ZMIZ1: variants seen among roughly 807,000 people sequenced by gnomAD.
ZMIZ1 encodes the protein zinc finger MIZ domain-containing protein 1.
ZMIZ1 carries 17 observed loss-of-function variants against 113.9 expected under a neutral mutation model. The observed-to-expected ratio is 0.15, with a 90% CI of 0.10 to 0.22. ZMIZ1 has a LOEUF of 0.22. ZMIZ1 is among the 10% of genes least tolerant of loss of function. The pLI, the probability that ZMIZ1 is intolerant of heterozygous loss-of-function variation, is 1.00. For missense variants in ZMIZ1, 1,059 were observed against 1,477.8 expected (o/e 0.72, Z 4.65); for synonymous variants, 607 against 603.1 (o/e 1.01, Z -0.09).
intron 3 of ZMIZ1, among the ~76,000 whole-genome samples, chr10:79,160,363 G>A (rs1039713805): frequency 3.9e-5 from 6 of 152,246 alleles, no homozygotes; most frequent in East Asian, 3.8e-4. Flanking sequence ...ATCTTGGGGT[G>A]TAGGGTTCCA....
intron 1 of ZMIZ1, among the ~76,000 whole-genome samples, chr10:79,075,843 C>G (rs1374714169): frequency 6.6e-6 from 1 of 152,212 alleles, no homozygotes; most frequent in East Asian, 1.9e-4. Flanking sequence ...TTCCCCAGCT[C>G]TTTCTTCGAA....
intron 4 of ZMIZ1, among the ~76,000 whole-genome samples, chr10:79,188,144 T>C (rs1308705734): frequency 6.6e-6 from 1 of 152,254 alleles, no homozygotes; most frequent in Non-Finnish European, 1.5e-5. Flanking sequence ...TTCTTGTTAC[T>C]ATTCAGAATT....
intron 4 of ZMIZ1, among the ~76,000 whole-genome samples, chr10:79,184,383 C>G (rs893994936): frequency 6.6e-6 from 1 of 152,212 alleles, no homozygotes; most frequent in Non-Finnish European, 1.5e-5. Flanking sequence ...CTGCCATGCA[C>G]TTACTGCGTG....
chr10:79,075,674 G>A (rs1842450330), intron 1 of ZMIZ1, among the ~76,000 whole-genome samples: 1 of 152,182 alleles, frequency 6.6e-6, no homozygotes, highest in African/African-American at 2.4e-5. Flanking sequence ...CAGGACTCCG[G>A]CTGCCTGGCC....
intron 8 of ZMIZ1, among the ~76,000 whole-genome samples, chr10:79,283,871 A>G (rs569438568): frequency 5.3e-5 from 8 of 152,364 alleles, no homozygotes; most frequent in African/African-American, 1.4e-4. Context: ...TGGTTCCCCT[A>G]AATTAAACAG....
chr10:79,216,600 A>G (rs2132714555), intron 7 of ZMIZ1, among the ~76,000 whole-genome samples: 1 of 152,294 alleles, frequency 6.6e-6, no homozygotes, highest in South Asian at 2.1e-4. Flanking sequence ...CCTTGGCATA[A>G]GCACTGTGAG....
At position 79,305,701 on chromosome 10, in the gene ZMIZ1, C is replaced by T. The variant is rs1185116298; in HGVS notation, c.2423+100C>T. ...TAGCCCTGACACAGCCCTCCCCTCC[C>T]AGGCCAGCAGACCGTGACCCACATC... On this transcript the variant is annotated intron_variant, in intron 21 of 24. Coordinates refer to ENST00000334512, the MANE Select transcript of ZMIZ1 (RefSeq NM_020338.4). 4.1e-6 allele frequency: 5 copies of T among 1,230,156 alleles called. No homozygotes were observed. In the Admixed American group the frequency reaches 6.9e-5, roughly 17 times the overall value. The allele number at this position is 1,230,156 out of a possible 1,614,324, so 76.2% of individuals were successfully genotyped here. A position where few individuals can be genotyped will look rare whatever the true frequency, so the allele number is the denominator to read the frequency against.
At chr10:79,129,803 A>G (rs1844672845) in intron 2 of ZMIZ1, among the ~76,000 whole-genome samples, 1 of 152,174 alleles carries the variant, frequency 6.6e-6, no homozygotes, top group African/African-American at 2.4e-5. Flanking sequence ...AGCAGTTGGG[A>G]GGGATCGCAC....
chr10:79,126,431 G>A (rs1358271387), intron 2 of ZMIZ1, among the ~76,000 whole-genome samples: 3 of 152,172 alleles, frequency 2.0e-5, no homozygotes, highest in African/African-American at 7.2e-5. Flanking sequence ...AAGGCCTCAG[G>A]GGTCAGGGAG....
intron 2 of ZMIZ1, among the ~76,000 whole-genome samples, chr10:79,123,594 A>T (rs563165165): frequency 4.3e-4 from 65 of 152,202 alleles, no homozygotes; most frequent in African/African-American, 1.5e-3. Flanking sequence ...GAAGGTGGAG[A>T]GGGAGATCAG....
At chr10:79,109,082 CAT>C (rs952260502) in intron 1 of ZMIZ1, among the ~76,000 whole-genome samples, 28 of 152,256 alleles carry the variant, frequency 1.8e-4, no homozygotes, top group South Asian at 6.2e-4. Flanking sequence ...CAGGTGCACA[CAT>C]GTGTGTGTCT....
chr10:79,196,823 C>T (rs1050009080), intron 4 of ZMIZ1, among the ~76,000 whole-genome samples: 4 of 152,228 alleles, frequency 2.6e-5, no homozygotes, highest in East Asian at 1.9e-4. Context: ...GAGGTAGACC[C>T]TTATGGGTCA....
At chr10:79,197,611 T>TACACACACAC (rs71482719) in intron 4 of ZMIZ1, among the ~76,000 whole-genome samples, 15 of 89,988 alleles carry the variant, frequency 1.7e-4, no homozygotes, top group African/African-American at 4.2e-4. Flanking sequence ...CACACACACA[T>TACACACACAC]ACACACACAC....
intron 4 of ZMIZ1, among the ~76,000 whole-genome samples, chr10:79,180,555 A>G (rs1564702369): frequency 6.6e-6 from 1 of 152,132 alleles, no homozygotes; most frequent in Non-Finnish European, 1.5e-5. Context: ...CCCTTTGCAC[A>G]GTCTGGCCCA....
chr10:79,093,436 C>T (rs1216304956), intron 1 of ZMIZ1, among the ~76,000 whole-genome samples: 2 of 151,970 alleles, frequency 1.3e-5, no homozygotes, highest in African/African-American at 4.8e-5. Context: ...AAGCGATTCT[C>T]CGGCCTCAGC....
chr10:79,293,584 G>A lies in ZMIZ1; in HGVS notation c.1161G>A (p.Gln387=). 2 of 1,613,094 alleles carry A rather than the reference G, an allele frequency of 1.2e-6. No homozygotes were observed. Among genetic ancestry groups the A allele is most frequent in the Non-Finnish European group, 1.7e-6 (2 of 1,180,012 alleles). Residue 387 remains glutamine, a synonymous_variant, in exon 12 of 25, where the codon CAG becomes CAA. Coordinates refer to ENST00000334512, the MANE Select transcript of ZMIZ1 (RefSeq NM_020338.4). ...PFGTHGQRMP[Q]QTYPGPRPQS... ...GCACACACGGGCAGCGGATGCCCCA[G>A]CAGACCTACCCGGGCCCCCGGCCCC...
At chr10:79,187,345 C>A (rs1032535536) in intron 4 of ZMIZ1, among the ~76,000 whole-genome samples, 2 of 152,178 alleles carry the variant, frequency 1.3e-5, no homozygotes, top group South Asian at 2.1e-4. Flanking sequence ...TAGGCTGGAA[C>A]CTTTGAAATG....
At position 79,298,565 on chromosome 10, in the gene ZMIZ1, C is replaced by T. The variant is rs1379314782; in HGVS notation, c.1651C>T (p.Leu551=). Residue 551 remains leucine, a synonymous_variant, in exon 15 of 25, where the codon CTG becomes TTG. Coordinates refer to ENST00000334512, the MANE Select transcript of ZMIZ1 (RefSeq NM_020338.4). ...PPDIKPNMSA[L]PPPPANHNDE... ...TGACATCAAGCCAAATATGAGCGCT[C>T]TGCCACCACCCCCAGGTGAGGGCCC... The T allele has an allele frequency of 5.0e-6, 8 of 1,599,664 alleles. No individual in the cohort carries two copies. The highest frequency in any genetic ancestry group is 6.8e-6 in the Non-Finnish European group (8 of 1,174,572).
rs143583690 is a variant in ZMIZ1 at position 79,215,623 on chromosome 10, C to T, written c.175-546C>T. Among the ~76,000 whole-genome samples the T allele has an allele frequency of 2.0e-3, 302 of 152,214 alleles. 5 individuals are homozygous for T. The East Asian group carries it at 0.051, about 26-fold the overall frequency. ...CTAAATCACTGCTTTAGATGAGATG[C>T]ATGCTGACTCGGAGGGGCAGGGCTG... is the stretch of plus-strand genomic sequence containing the variant. On this transcript the variant is annotated intron_variant, in intron 6 of 24. Coordinates refer to ENST00000334512, the MANE Select transcript of ZMIZ1 (RefSeq NM_020338.4).
Sources: gnomAD v4.1 joint callset for allele counts (sites outside exome capture counted in the v4.1 genomes callset) on GRCh38, gnomAD v4.1.1 for gene constraint, MANE v1.5 for transcripts, NCBI Gene and HGNC (gene_info 2026-07-23, HGNC 2026-07-21) for gene names.